The following VPS4B variants were observed in gnomAD, a reference collection of about 807,000 sequenced individuals.
VPS4B encodes vacuolar protein sorting-associated protein 4B.
A neutral mutation model predicts 56.1 loss-of-function variants in VPS4B; 23 were observed. That is an observed-to-expected ratio of 0.41 (90% CI 0.30 to 0.58). VPS4B has a LOEUF of 0.58. VPS4B is among the 20% of genes least tolerant of loss of function. The pLI is 0.29. For synonymous variants in VPS4B, 177 were observed against 186.0 expected (o/e 0.95, Z 0.39); for missense variants, 372 against 531.9 (o/e 0.70, Z 2.96).
chr18:63,400,087 C>A lies in VPS4B; in HGVS notation c.751G>T (p.Ala251Ser), dbSNP rs138933226. 10 of 1,612,080 alleles carry A rather than the reference C, an allele frequency of 6.2e-6. No homozygotes were observed. The highest frequency in any genetic ancestry group is 8.5e-6 in the Non-Finnish European group (10 of 1,179,428). ...AGGAACTCCGTCTTAATTCTACGTG[C>A]GGCTTCACTTTCATTTTCACTTCTT... ...GSRSENESEAARRIKTEFLVQ... is the reference protein window; with the variant it reads ...GSRSENESEASRRIKTEFLVQ... The change falls in exon 7 of 11, where the codon GCA (alanine) becomes TCA (serine). Residue 251 changes from alanine (A) to serine (S), a missense_variant. Ala to Ser is a moderately conservative substitution (Grantham distance 99). This residue lies in a region of VPS4B where 66 missense variants were observed against 150.7 expected (regional missense o/e 0.44). Transcript: ENST00000238497.
chr18:63,403,343 C>A (rs1253516998), intron 5 of VPS4B, among the ~76,000 whole-genome samples: 1 of 152,188 alleles, frequency 6.6e-6, no homozygotes, highest in African/African-American at 2.4e-5. Flanking sequence ...TGGAATCATA[C>A]TATTCAGTTT....
At chr18:63,407,350 A>C in intron 4 of VPS4B, 82 bp downstream of exon 4, 1 of 1,185,730 alleles carries the variant, frequency 8.4e-7, no homozygotes. Context: ...ATATAGAGGG[A>C]GAACAAAAAC....
rs1915509069 is a variant in VPS4B at position 63,390,064 on chromosome 18, A to G, written c.*911T>C. The stretch of plus-strand genomic sequence containing the variant: ...TACCGTTTTTGTTTTTTTTTGAGAC[A>G]GAGTTTTATTCAGTCGCCCAGGCTG... On this transcript the variant is annotated 3_prime_UTR_variant, in exon 11 of 11. Coordinates refer to ENST00000238497, the MANE Select transcript of VPS4B (RefSeq NM_004869.4). The G allele has an allele frequency of 6.6e-6, 1 of 152,398 alleles. No homozygotes were observed. Among genetic ancestry groups the G allele is most frequent in the Admixed American group, 6.6e-5 (1 of 15,264 alleles). The allele number at this position is 152,398 out of a possible 1,614,324, so 9.4% of individuals were successfully genotyped here. A position where few individuals can be genotyped will look rare whatever the true frequency, so the allele number is the denominator to read the frequency against.
At chr18:63,401,997 A>T (rs1308801496) in intron 5 of VPS4B, among the ~76,000 whole-genome samples, 1 of 152,210 alleles carries the variant, frequency 6.6e-6, no homozygotes, top group Non-Finnish European at 1.5e-5. Flanking sequence ...CTGTCTCAAA[A>T]AAAGAAACAA....
intron 3 of VPS4B, among the ~76,000 whole-genome samples, chr18:63,410,006 C>CT (rs1054456307): frequency 6.6e-5 from 10 of 151,998 alleles, no homozygotes; most frequent in African/African-American, 1.9e-4. Flanking sequence ...GGTCAGCAAA[C>CT]TTTTTTTTGT....
intron 4 of VPS4B, among the ~76,000 whole-genome samples, chr18:63,405,842 C>G (rs538340091): frequency 7.9e-5 from 12 of 151,338 alleles, no homozygotes; most frequent in African/African-American, 2.7e-4. Flanking sequence ...AAAACTTAGC[C>G]GGGCATGGTG....
At chr18:63,407,260 G>A in intron 4 of VPS4B, 172 bp downstream of exon 4, 1 of 605,084 alleles carries the variant, frequency 1.7e-6, no homozygotes, top group South Asian at 2.2e-5. Flanking sequence ...GATCCTAGAG[G>A]GCAAACCCTA....
At chr18:63,395,016 ATCT>A (rs904756368) in intron 9 of VPS4B, among the ~76,000 whole-genome samples, 9 of 152,188 alleles carry the variant, frequency 5.9e-5, no homozygotes, top group Non-Finnish European at 1.0e-4. Context: ...TAAACAGGGA[ATCT>A]TCTTCTTGTT....
In VPS4B at chr18:63,390,781, T is replaced by C; in HGVS notation, c.*194A>G. On this transcript the variant is annotated 3_prime_UTR_variant, in exon 11 of 11. Transcript: ENST00000238497. ...CATTTCCTCATAACCTGTTATTTTG[T>C]ACCTTTTGTTAATAGGAGTATTTAA... 2 of 435,674 alleles carry C rather than the reference T, an allele frequency of 4.6e-6. No homozygotes were observed. Among genetic ancestry groups the C allele is most frequent in the South Asian group, 6.5e-5 (2 of 30,742 alleles). 27.0% of individuals were successfully genotyped at this position (435,674 alleles called of 1,614,324 possible).
intron 10 of VPS4B, among the ~76,000 whole-genome samples, chr18:63,391,693 T>C (rs546380361): frequency 1.3e-5 from 2 of 152,368 alleles, no homozygotes; most frequent in East Asian, 3.9e-4. Context: ...CATGATCTAA[T>C]TTCTGGCCTT....
chr18:63,392,437 T>C (rs890474047), intron 10 of VPS4B, among the ~76,000 whole-genome samples: 8 of 152,304 alleles, frequency 5.3e-5, no homozygotes, highest in South Asian at 2.1e-4. Context: ...TTAGTATTTC[T>C]GGTTTTTGTT....
Position 63,397,169 on chromosome 18 carries a change from G to C in VPS4B, c.957C>G (p.Asn319Lys). The change falls in exon 9 of 11, where the codon AAC becomes AAG. Residue 319 changes from asparagine to lysine, a missense_variant. Physicochemically the swap from Asn to Lys is moderately conservative, Grantham distance 94. Coordinates refer to ENST00000238497, the MANE Select transcript of VPS4B (RefSeq NM_004869.4). ...CCCGAAAGTCTGCTTCCGTGAGACTGTTCTGAGTGGTCCCTAGGTGCAGTT... is the reference window on the plus strand; with the variant it reads ...CCCGAAAGTCTGCTTCCGTGAGACTCTTCTGAGTGGTCCCTAGGTGCAGTT... ...MFKLHLGTTQ[N>K]SLTEADFREL... 1 of 1,614,176 alleles carries C rather than the reference G, an allele frequency of 6.2e-7. No individual in the cohort carries two copies. The highest frequency in any genetic ancestry group is 8.5e-7 in the Non-Finnish European group (1 of 1,180,028).
In VPS4B at chr18:63,397,030, T is replaced by C; in HGVS notation, c.1092+4A>G. On this transcript the variant is annotated splice_donor_region_variant and intron_variant, in intron 9 of 10. Coordinates refer to ENST00000238497, the MANE Select transcript of VPS4B (RefSeq NM_004869.4). ...ATAGGAAAGGATAGATAAAAATGAC[T>C]TACCTTTTTAAAATGAGTAGCTGAC... The C allele has an allele frequency of 6.2e-7, 1 of 1,611,744 alleles. No individual in the cohort carries two copies. Among genetic ancestry groups the C allele is most frequent in the African/African-American group, 1.3e-5 (1 of 74,816 alleles).
chr18:63,398,099 T>C (rs1406924582), intron 8 of VPS4B, among the ~76,000 whole-genome samples: 1 of 152,056 alleles, frequency 6.6e-6, no homozygotes, highest in Admixed American at 6.5e-5. Flanking sequence ...TCCGTATACC[T>C]TTCCTAGAAC....
chr18:63,408,735 T>A (rs970357942), intron 3 of VPS4B, among the ~76,000 whole-genome samples: 1 of 152,222 alleles, frequency 6.6e-6, no homozygotes, highest in African/African-American at 2.4e-5. Flanking sequence ...GCCCCACTAT[T>A]CTGTAAGGTA....
intron 5 of VPS4B, among the ~76,000 whole-genome samples, chr18:63,401,917 C>G (rs770390811): frequency 5.3e-5 from 8 of 151,936 alleles, no homozygotes; most frequent in Non-Finnish European, 8.8e-5. Context: ...TGCTTGAACT[C>G]GGGAGGTGGA....
At position 63,422,408 on chromosome 18, in the gene VPS4B, T is replaced by C. The variant is rs1599370604; in HGVS notation, c.-149A>G. The C allele has an allele frequency of 1.1e-5, 7 of 626,996 alleles. No individual in the cohort carries two copies. In the East Asian group the frequency reaches 2.4e-4, roughly 22 times the overall value. The allele number at this position is 626,996 out of a possible 1,614,324, so 38.8% of individuals were successfully genotyped here. ...GGGCAGCCTCCCTTCCGGAACTTGT[T>C]TTAGACAACACTCTCTCCACCAGAG... is the stretch of plus-strand genomic sequence containing the variant. On this transcript the variant is annotated 5_prime_UTR_variant, in exon 1 of 11. Transcript: ENST00000238497.
intron 1 of VPS4B, among the ~76,000 whole-genome samples, chr18:63,412,659 T>C (rs760086580): frequency 2.9e-4 from 44 of 152,190 alleles, no homozygotes; most frequent in Non-Finnish European, 5.4e-4. Flanking sequence ...AAATGGATCA[T>C]AGAATTAAAT....
chr18:63,400,450 T>A (rs1323391310), intron 6 of VPS4B, 97 bp downstream of exon 6: 1 of 1,323,972 alleles, frequency 7.6e-7, no homozygotes, highest in African/African-American at 1.5e-5. Context: ...TTACATGACT[T>A]CTCTGAATAT....
Sources: gnomAD v4.1 joint callset for allele counts (sites outside exome capture counted in the v4.1 genomes callset) on GRCh38, gnomAD v4.1.1 for gene constraint, gnomAD v4.1.1 regional missense constraint, MANE v1.5 for transcripts, NCBI Gene and HGNC (gene_info 2026-07-23, HGNC 2026-07-21) for gene names.